USP15: variants seen among roughly 807,000 people sequenced by gnomAD.
USP15 encodes ubiquitin carboxyl-terminal hydrolase 15.
A neutral mutation model predicts 127.1 loss-of-function variants in USP15; 18 were observed. The ratio of observed to expected loss-of-function variants is 0.14; its 90% CI spans 0.10 to 0.21. USP15 has a LOEUF of 0.21. Ranked by LOEUF, USP15 falls within the 10% of genes least tolerant of loss-of-function variation. The pLI is 1.00. For synonymous variants in USP15, 364 were observed against 393.7 expected (o/e 0.92, Z 0.89); for missense variants, 805 against 1,159.9 (o/e 0.69, Z 4.44).
chr12:62,294,402 G>A (rs2064067228), intron 2 of USP15, 96 bp downstream of exon 2: 3 of 1,408,660 alleles, frequency 2.1e-6, no homozygotes, highest in East Asian at 2.5e-5. Flanking sequence ...GCGCAAATAA[G>A]TTGATAAAGT....
intron 8 of USP15, among the ~76,000 whole-genome samples, chr12:62,376,536 G>A (rs897987233): frequency 6.6e-6 from 1 of 152,146 alleles, no homozygotes; most frequent in Non-Finnish European, 1.5e-5. Flanking sequence ...TTAATGTCAG[G>A]CAGTTGAACT....
rs575297727 is a variant in USP15 at position 62,409,035 on chromosome 12, T to A, written c.*4660T>A. The A allele has an allele frequency of 6.6e-6, 1 of 152,218 alleles. No individual in the cohort carries two copies. The highest frequency in any genetic ancestry group is 1.5e-5 in the Non-Finnish European group (1 of 67,998). The allele number at this position is 152,218 out of a possible 1,614,324, so 9.4% of individuals were successfully genotyped here. A position where few individuals can be genotyped will look rare whatever the true frequency, so the allele number is the denominator to read the frequency against. On this transcript the variant is annotated 3_prime_UTR_variant, in exon 22 of 22. Transcript: ENST00000280377. ...AATTAGGAAAATAAAATATAGATGG[T>A]AAAAATTCAAATATTTATCAAGACT...
intron 8 of USP15, among the ~76,000 whole-genome samples, chr12:62,379,477 T>G (rs562591027): frequency 6.6e-6 from 1 of 152,240 alleles, no homozygotes; most frequent in South Asian, 2.1e-4. Context: ...TGGATACTAC[T>G]GGAAAGCTAA....
intron 1 of USP15, among the ~76,000 whole-genome samples, chr12:62,276,084 G>T (rs1390418280): frequency 6.6e-6 from 1 of 152,096 alleles, no homozygotes; most frequent in African/African-American, 2.4e-5. Context: ...ATTGATGTAT[G>T]TAAGAATCGT....
chr12:62,374,502 C>G (rs968217721), intron 8 of USP15: 3 of 985,598 alleles, frequency 3.0e-6, no homozygotes, highest in Admixed American at 1.2e-4. Context: ...ACAACTTTCT[C>G]TTTTTGAAGG....
chr12:62,399,784 A>T (rs2067620619), intron 20 of USP15, among the ~76,000 whole-genome samples: 1 of 152,142 alleles, frequency 6.6e-6, no homozygotes, highest in Admixed American at 6.5e-5. Flanking sequence ...AACAACTTAG[A>T]GTTTAAACCA....
intron 8 of USP15, among the ~76,000 whole-genome samples, chr12:62,376,133 GT>G (rs2066821005): frequency 6.6e-6 from 1 of 151,846 alleles, no homozygotes; most frequent in East Asian, 1.9e-4. Context: ...ATGAAATTTA[GT>G]TTTTTAATCC....
In USP15 at chr12:62,298,767, T is replaced by G. The variant is rs1170162396; in HGVS notation, c.218-4023T>G. ...TTGCTTCAGCCCAGGAGACAGAGGT[T>G]GTATGGAGCCGAGATTGTACCACTG... On this transcript the variant is annotated intron_variant, in intron 2 of 21. Transcript: ENST00000280377. Among the ~76,000 whole-genome samples, 4 of 149,286 alleles carry G rather than the reference T, an allele frequency of 2.7e-5. No individual in the cohort carries two copies. The Admixed American group carries it at 2.7e-4, about 10-fold the overall frequency.
intron 2 of USP15, among the ~76,000 whole-genome samples, chr12:62,299,457 A>T (rs2064239370): frequency 6.6e-6 from 1 of 152,144 alleles, no homozygotes; most frequent in Admixed American, 6.6e-5. Context: ...AGGACAGCAC[A>T]ATGTTTTCAT....
intron 6 of USP15, among the ~76,000 whole-genome samples, chr12:62,343,492 C>T (rs2065712022): frequency 2.0e-5 from 3 of 152,334 alleles, no homozygotes; most frequent in Non-Finnish European, 4.4e-5. Context: ...TCAGTGCCTG[C>T]CCAAACAGCC....
chr12:62,304,086 A>G (rs973446169), intron 3 of USP15, among the ~76,000 whole-genome samples: 7 of 152,078 alleles, frequency 4.6e-5, no homozygotes, highest in African/African-American at 1.7e-4. Context: ...TCTTAATGAT[A>G]CACTTTTTTT....
At chr12:62,322,649 C>T (rs572156398) in intron 5 of USP15, among the ~76,000 whole-genome samples, 1 of 152,160 alleles carries the variant, frequency 6.6e-6, no homozygotes, top group East Asian at 1.9e-4. Context: ...AGCAGATAAC[C>T]ATAGGACAGT....
Position 62,411,061 on chromosome 12 carries a change from C to T in USP15, c.*6686C>T, listed in dbSNP as rs1170537854. On this transcript the variant is annotated 3_prime_UTR_variant, in exon 22 of 22. Coordinates refer to ENST00000280377, the MANE Select transcript of USP15 (RefSeq NM_001252078.2). ...AAGCCACACCTGAATTCCTAACCCA[C>T]AAAAACTGTGAGATAACAGATGTTT... The T allele has an allele frequency of 6.6e-6, 1 of 152,090 alleles. No homozygotes were observed. Among genetic ancestry groups the T allele is most frequent in the Non-Finnish European group, 1.5e-5 (1 of 68,012 alleles). 9.4% of individuals were successfully genotyped at this position (152,090 alleles called of 1,614,324 possible).
intron 7 of USP15, among the ~76,000 whole-genome samples, chr12:62,353,717 C>A (rs953808166): frequency 1.3e-5 from 2 of 151,214 alleles, no homozygotes; most frequent in Non-Finnish European, 3.0e-5. Context: ...TTGTGTGTAC[C>A]CAAAGTTAGA....
At chr12:62,300,234 A>T (rs1284436179) in intron 2 of USP15, among the ~76,000 whole-genome samples, 1 of 152,042 alleles carries the variant, frequency 6.6e-6, no homozygotes, top group African/African-American at 2.4e-5. Context: ...GCAAAGATTT[A>T]TGTAAGATTT....
chr12:62,374,477 T>A (rs1157549952), intron 8 of USP15: 1 of 985,654 alleles, frequency 1.0e-6, no homozygotes, highest in East Asian at 1.1e-4. Flanking sequence ...TGGTTCATAT[T>A]CAGCATTACA....
At chr12:62,339,310 TAAATA>T (rs1406054310) in intron 6 of USP15, among the ~76,000 whole-genome samples, 1 of 152,180 alleles carries the variant, frequency 6.6e-6, no homozygotes, top group East Asian at 1.9e-4. Context: ...TGGGCTTTTC[TAAATA>T]TACAATCATG....
intron 8 of USP15, among the ~76,000 whole-genome samples, chr12:62,371,201 T>G (rs1291613114): frequency 6.6e-6 from 1 of 152,190 alleles, no homozygotes; most frequent in East Asian, 1.9e-4. Context: ...GTCTACCTGT[T>G]TAGCCAAAAC....
chr12:62,281,169 A>G (rs1260635033), intron 1 of USP15, among the ~76,000 whole-genome samples: 1 of 152,146 alleles, frequency 6.6e-6, no homozygotes, highest in Admixed American at 6.5e-5. Flanking sequence ...TTACAGTGCA[A>G]CAGATCTATA....
Sources: gnomAD v4.1 joint callset for allele counts (sites outside exome capture counted in the v4.1 genomes callset) on GRCh38, gnomAD v4.1.1 for gene constraint, MANE v1.5 for transcripts, NCBI Gene and HGNC (gene_info 2026-07-23, HGNC 2026-07-21) for gene names.